The following DHX15 variants were observed in gnomAD, a reference collection of about 807,000 sequenced individuals.
DHX15 encodes the protein DEAH-box helicase 15.
Under a neutral mutation model 94.4 loss-of-function variants are expected in DHX15, and 11 were observed. That is an observed-to-expected ratio of 0.12 (90% CI 0.07 to 0.19). The LOEUF is 0.19. DHX15 is among the 10% of genes least tolerant of loss of function. The pLI is 1.00. For missense variants in DHX15, 304 were observed against 988.5 expected (o/e 0.31, Z 9.29); for synonymous variants, 338 against 329.9 (o/e 1.02, Z -0.27).
chr4:24,560,980 T>TA (rs1721862428), intron 3 of DHX15, among the ~76,000 whole-genome samples: 1 of 152,198 alleles, frequency 6.6e-6, no homozygotes, highest in Non-Finnish European at 1.5e-5. Flanking sequence ...ACTGATTCCT[T>TA]ACTGGTGAGA....
At chr4:24,530,039 G>A (rs1233277497) in intron 12 of DHX15, 21 of 498,482 alleles carry the variant, frequency 4.2e-5, no homozygotes, top group Admixed American at 1.5e-4. Flanking sequence ...AAAACATTCC[G>A]TGAAGCATGA....
chr4:24,542,934 A>G lies in DHX15; in HGVS notation c.1335+6T>C, dbSNP rs1473980067. Reference sequence around the variant, plus strand: ...CTAATTTATAAAGTATCCACTAAATATGTACCTTCTGTTTCGCAAATCCAG... The same window carrying G: ...CTAATTTATAAAGTATCCACTAAATGTGTACCTTCTGTTTCGCAAATCCAG... On this transcript the variant is annotated splice_donor_region_variant and intron_variant, in intron 7 of 13. Coordinates refer to ENST00000336812, the MANE Select transcript of DHX15 (RefSeq NM_001358.3). The G allele has an allele frequency of 6.2e-7, 1 of 1,608,424 alleles. No individual in the cohort carries two copies. The highest frequency in any genetic ancestry group is 8.5e-7 in the Non-Finnish European group (1 of 1,175,312).
chr4:24,547,945 ATATC>A (rs752532579), intron 6 of DHX15, among the ~76,000 whole-genome samples: 9,631 of 48,932 alleles, frequency 0.2, 581 homozygotes, highest in African/African-American at 0.28. Context: ...ATATATATCT[ATATC>A]TATATCTATA....
intron 13 of DHX15, 88 bp from the exon 14 acceptor site, chr4:24,528,129 T>C (rs1473972100): frequency 3.5e-6 from 3 of 849,872 alleles, no homozygotes; most frequent in South Asian, 1.6e-5. Context: ...TTCATTAATA[T>C]ACTGATGAAC....
chr4:24,559,375 TAAA>T lies in DHX15; in HGVS notation c.702-2968_702-2966del, dbSNP rs535455690. On this transcript the variant is annotated intron_variant, in intron 3 of 13. Coordinates refer to ENST00000336812, the MANE Select transcript of DHX15 (RefSeq NM_001358.3). ...AATGAATTTGTCAATTTTAAGCCAC[TAAA>T]AAAAAAAAAAAAAAAAAAGAAACAG... is the stretch of plus-strand genomic sequence containing the variant. Among the ~76,000 whole-genome samples, 482 of 93,356 alleles carry T rather than the reference TAAA, an allele frequency of 5.2e-3. 1 individual carries two copies. The highest frequency in any genetic ancestry group is 0.016 in the African/African-American group (440 of 27,254). 61.2% of individuals were successfully genotyped at this position (93,356 alleles called of 152,430 possible).
chr4:24,573,749 A>G (rs1482586239), intron 2 of DHX15, among the ~76,000 whole-genome samples: 1 of 152,152 alleles, frequency 6.6e-6, no homozygotes, highest in Non-Finnish European at 1.5e-5. Flanking sequence ...AACCCTCTGT[A>G]TTCTAGCCAG....
chr4:24,560,417 T>C (rs1721846130), intron 3 of DHX15, among the ~76,000 whole-genome samples: 1 of 146,750 alleles, frequency 6.8e-6, no homozygotes, highest in African/African-American at 2.5e-5. Flanking sequence ...ATTAAATTAT[T>C]TAAACCAACA....
intron 12 of DHX15, chr4:24,530,812 G>A (rs577958356): frequency 6.6e-6 from 1 of 152,198 alleles, no homozygotes; most frequent in Non-Finnish European, 1.5e-5. Flanking sequence ...GAATGAGCAT[G>A]AATAATAGAA....
chr4:24,528,180 T>A, intron 13 of DHX15, 139 bp from the exon 14 acceptor site: 1 of 596,864 alleles, frequency 1.7e-6, no homozygotes, highest in Non-Finnish European at 3.0e-6. Flanking sequence ...AAAATACAAA[T>A]AACTAATCCT....
chr4:24,528,066 T>C, intron 13 of DHX15, 25 bp from the exon 14 acceptor site: 1 of 1,554,800 alleles, frequency 6.4e-7, no homozygotes, highest in South Asian at 1.1e-5. Context: ...GCAGAAAAAT[T>C]TCCAAATTAA....
chr4:24,558,005 C>T (rs1054026895), intron 3 of DHX15, among the ~76,000 whole-genome samples: 1 of 150,872 alleles, frequency 6.6e-6, no homozygotes, highest in African/African-American at 2.4e-5. Context: ...GGATTGGTTA[C>T]TCTTCCAACA....
rs562913306 is a variant in DHX15 at position 24,556,236 on chromosome 4, A to C, written c.861+15T>G. On this transcript the variant is annotated intron_variant, in intron 4 of 13. Transcript: ENST00000336812. ...CACACATATATAGTTAAATGGAGAG[A>C]AGAAATTACTTCACCTTTAAATCTG... 1 of 1,611,336 alleles carries C rather than the reference A, an allele frequency of 6.2e-7. No homozygotes were observed. The highest frequency in any genetic ancestry group is 1.3e-5 in the African/African-American group (1 of 74,972).
At chr4:24,566,563 C>T (rs1386894852) in intron 3 of DHX15, among the ~76,000 whole-genome samples, 4 of 152,124 alleles carry the variant, frequency 2.6e-5, no homozygotes, top group African/African-American at 4.8e-5. Context: ...CAGTGGCTCA[C>T]GCCTGTAATC....
intron 3 of DHX15, among the ~76,000 whole-genome samples, chr4:24,564,399 C>G (rs1461309517): frequency 6.6e-6 from 1 of 152,134 alleles, no homozygotes; most frequent in Non-Finnish European, 1.5e-5. Flanking sequence ...AGAACTTCAA[C>G]CTTAATAGAA....
intron 1 of DHX15, among the ~76,000 whole-genome samples, chr4:24,578,152 G>T (rs1420072582): frequency 6.6e-6 from 1 of 152,090 alleles, no homozygotes; most frequent in East Asian, 1.9e-4. Flanking sequence ...ATTTCACCTG[G>T]CATAAACAGA....
At chr4:24,551,259 C>A (rs1721597264) in intron 5 of DHX15, among the ~76,000 whole-genome samples, 1 of 152,184 alleles carries the variant, frequency 6.6e-6, no homozygotes, top group Non-Finnish European at 1.5e-5. Flanking sequence ...CACTAGGCAG[C>A]CTGTCCAATA....
At chr4:24,570,631 G>T in intron 3 of DHX15, 23 bp downstream of exon 3, 6 of 1,607,652 alleles carry the variant, frequency 3.7e-6, no homozygotes, top group Non-Finnish European at 5.1e-6. Context: ...GACTAAAAGC[G>T]TCATTAAAGA....
intron 3 of DHX15, among the ~76,000 whole-genome samples, chr4:24,563,627 AT>A (rs895472074): frequency 3.3e-4 from 51 of 152,276 alleles, no homozygotes; most frequent in African/African-American, 1.2e-3. Flanking sequence ...TTAAAACATA[AT>A]TTTTTTACTA....
chr4:24,547,903 G>GTATATATATATATATATATA (rs869194543), intron 6 of DHX15, among the ~76,000 whole-genome samples: 1 of 70,754 alleles, frequency 1.4e-5, no homozygotes, highest in African/African-American at 6.0e-5. Context: ...GTATGTATGT[G>GTATATATATATATATATATA]TATATATATA....
Sources: allele counts gnomAD v4.1 joint callset (sites outside exome capture counted in the v4.1 genomes callset), GRCh38; gene constraint gnomAD v4.1.1; transcripts MANE v1.5; gene names NCBI Gene and HGNC (gene_info 2026-07-23, HGNC 2026-07-21).